Variants in CSMD1 observed in about 807,000 individuals in gnomAD.
CSMD1 encodes CUB and Sushi multiple domains 1.
In CSMD1, 213 loss-of-function variants were observed where a neutral mutation model predicts 417.5. That is an observed-to-expected ratio of 0.51 (90% CI 0.46 to 0.57). The LOEUF (loss-of-function observed/expected upper bound fraction) is 0.57, where lower values mean the gene tolerates loss of function less well. Ranked by LOEUF, CSMD1 falls within the 20% of genes least tolerant of loss-of-function variation. CSMD1 has a pLI of 0.00. For missense variants in CSMD1, 6,923 were observed against 4,529.7 expected (o/e 1.53, Z -15.17); for synonymous variants, 2,862 against 1,736.8 (o/e 1.65, Z -16.11).
intron 12 of CSMD1, among the ~76,000 whole-genome samples, chr8:3,428,388 G>C (rs531890006): frequency 2.6e-5 from 4 of 152,238 alleles, no homozygotes; most frequent in East Asian, 1.9e-4. Context: ...TACAAATCTT[G>C]ACAGAAGCTG....
chr8:3,579,522 G>C (rs555243289), intron 9 of CSMD1, among the ~76,000 whole-genome samples: 1 of 152,178 alleles, frequency 6.6e-6, no homozygotes, highest in South Asian at 2.1e-4. Context: ...AATTACATTG[G>C]ATAGCCTATT....
At chr8:3,248,514 A>G in intron 26 of CSMD1, among the ~76,000 whole-genome samples, 1 of 129,794 alleles carries the variant, frequency 7.7e-6, no homozygotes. Context: ...CCTGTAATCA[A>G]TTCCCTCCCT....
intron 5 of CSMD1, among the ~76,000 whole-genome samples, chr8:3,762,367 C>T (rs1033669125): frequency 3.9e-5 from 6 of 152,198 alleles, no homozygotes; most frequent in Admixed American, 6.5e-5. Flanking sequence ...GGGAAGCCTG[C>T]CCTGATCTCT....
At chr8:4,508,283 T>C (rs563162741) in intron 2 of CSMD1, among the ~76,000 whole-genome samples, 5 of 151,940 alleles carry the variant, frequency 3.3e-5, no homozygotes, top group Non-Finnish European at 5.9e-5. Context: ...GCTAGATGCA[T>C]TGGAGTGATA....
At chr8:4,380,706 T>C (rs932807787) in intron 3 of CSMD1, among the ~76,000 whole-genome samples, 4 of 152,178 alleles carry the variant, frequency 2.6e-5, no homozygotes, top group Non-Finnish European at 4.4e-5. Flanking sequence ...TAACAGAGGA[T>C]TGTGGATGTT....
At chr8:3,767,707 G>A (rs911509177) in intron 5 of CSMD1, among the ~76,000 whole-genome samples, 1 of 152,104 alleles carries the variant, frequency 6.6e-6, no homozygotes, top group African/African-American at 2.4e-5. Context: ...TACAGTGTAT[G>A]TCTACATATA....
intron 6 of CSMD1, among the ~76,000 whole-genome samples, chr8:3,735,194 G>A (rs190700734): frequency 3.3e-4 from 51 of 152,256 alleles, no homozygotes; most frequent in Non-Finnish European, 5.4e-4. Context: ...ACACGGTAAC[G>A]GGCAAGTTGC....
At chr8:3,089,389 A>C (rs1411893080) in intron 48 of CSMD1, among the ~76,000 whole-genome samples, 2 of 152,258 alleles carry the variant, frequency 1.3e-5, no homozygotes, top group East Asian at 3.8e-4. Flanking sequence ...GCCTGCGCTT[A>C]GCACAGTTTA....
At chr8:3,742,221 C>G (rs1796841859) in intron 6 of CSMD1, among the ~76,000 whole-genome samples, 1 of 152,134 alleles carries the variant, frequency 6.6e-6, no homozygotes, top group Non-Finnish European at 1.5e-5. Context: ...TCTGGATGTT[C>G]TGTAGATAGA....
At chr8:4,849,343 GAAGTT>G (rs1330657742) in intron 1 of CSMD1, among the ~76,000 whole-genome samples, 1 of 151,904 alleles carries the variant, frequency 6.6e-6, no homozygotes, top group Admixed American at 6.6e-5. Flanking sequence ...GTAATAAGGT[GAAGTT>G]AATTTAATAA....
intron 23 of CSMD1, among the ~76,000 whole-genome samples, chr8:3,323,167 G>A (rs1328670369): frequency 6.6e-6 from 1 of 152,188 alleles, no homozygotes; most frequent in East Asian, 1.9e-4. Flanking sequence ...TGTCCAATGG[G>A]CAACTTCTAA....
chr8:3,601,623 C>G (rs1801364764), intron 8 of CSMD1, among the ~76,000 whole-genome samples: 1 of 152,258 alleles, frequency 6.6e-6, no homozygotes, highest in South Asian at 2.1e-4. Flanking sequence ...ATTTTCATGG[C>G]TCTGTTCAGC....
chr8:3,365,257 G>A (rs917934831), intron 20 of CSMD1, among the ~76,000 whole-genome samples: 1 of 152,192 alleles, frequency 6.6e-6, no homozygotes, highest in Non-Finnish European at 1.5e-5. Context: ...AGCCAGTCTT[G>A]AAAGCTTCAC....
At chr8:4,155,782 G>C (rs1327247139) in intron 3 of CSMD1, among the ~76,000 whole-genome samples, 1 of 152,082 alleles carries the variant, frequency 6.6e-6, no homozygotes, top group Non-Finnish European at 1.5e-5. Context: ...AGTAATTTGT[G>C]TATTAAGAGC....
intron 12 of CSMD1, among the ~76,000 whole-genome samples, chr8:3,464,122 C>A (rs529508148): frequency 6.6e-6 from 1 of 152,252 alleles, no homozygotes; most frequent in Non-Finnish European, 1.5e-5. Context: ...TCACCCCCTG[C>A]TGGAATGTAA....
intron 26 of CSMD1, among the ~76,000 whole-genome samples, chr8:3,258,409 G>C (rs1800813914): frequency 6.6e-6 from 1 of 152,156 alleles, no homozygotes; most frequent in Non-Finnish European, 1.5e-5. Context: ...TCTCACACCA[G>C]TTACAATGGC....
At chr8:3,115,158 A>G (rs1816786143) in intron 42 of CSMD1, among the ~76,000 whole-genome samples, 1 of 151,818 alleles carries the variant, frequency 6.6e-6, no homozygotes, top group Admixed American at 6.6e-5. Flanking sequence ...AAGTTAATAA[A>G]CCAAATTCTA....
At chr8:4,579,967 C>T (rs1799334579) in intron 2 of CSMD1, among the ~76,000 whole-genome samples, 1 of 152,106 alleles carries the variant, frequency 6.6e-6, no homozygotes, top group Non-Finnish European at 1.5e-5. Context: ...TTCCAAATCC[C>T]TACTTGCTTT....
chr8:3,664,286 T>C (rs1798569933), intron 7 of CSMD1, among the ~76,000 whole-genome samples: 1 of 152,200 alleles, frequency 6.6e-6, no homozygotes, highest in African/African-American at 2.4e-5. Flanking sequence ...ATGCGGTGTT[T>C]GGTTTTCTGT....
Sources: allele counts gnomAD v4.1 joint callset (sites outside exome capture counted in the v4.1 genomes callset), GRCh38; gene constraint gnomAD v4.1.1; transcripts MANE v1.5; gene names NCBI Gene and HGNC (gene_info 2026-07-23, HGNC 2026-07-21).